The following RAB6A variants were observed in gnomAD, a reference collection of about 807,000 sequenced individuals.
The protein encoded by RAB6A is RAB6A, member RAS oncogene family.
Under a neutral mutation model 32.3 loss-of-function variants are expected in RAB6A, and 8 were observed. That is an observed-to-expected ratio of 0.25 (90% confidence interval 0.15 to 0.45). RAB6A has a LOEUF of 0.45. Ranked by LOEUF, RAB6A falls within the 20% of genes least tolerant of loss-of-function variation. The pLI is 1.00. For synonymous variants in RAB6A, 73 were observed against 82.1 expected (o/e 0.89, Z 0.60); for missense variants, 104 against 249.4 (o/e 0.42, Z 3.93).
At chr11:73,755,316 T>C (rs1383742390) in intron 1 of RAB6A, among the ~76,000 whole-genome samples, 3 of 147,586 alleles carry the variant, frequency 2.0e-5, no homozygotes, top group African/African-American at 5.0e-5. Flanking sequence ...TATTTTGAGA[T>C]GGAGCCTCAC....
chr11:73,738,810 G>A (rs752178762), intron 1 of RAB6A, among the ~76,000 whole-genome samples: 1 of 151,246 alleles, frequency 6.6e-6, no homozygotes, highest in South Asian at 2.1e-4. Context: ...CCAGCATAGT[G>A]GCACACACCT....
intron 6 of RAB6A, among the ~76,000 whole-genome samples, chr11:73,689,833 T>G (rs776675593): frequency 6.7e-6 from 1 of 149,852 alleles, no homozygotes. Context: ...TCTGTGGAGG[T>G]TGCAGTGAGT....
intron 5 of RAB6A, among the ~76,000 whole-genome samples, chr11:73,712,507 C>T (rs1945974828): frequency 6.6e-6 from 1 of 152,166 alleles, no homozygotes; most frequent in South Asian, 2.1e-4. Flanking sequence ...CATGCCACCA[C>T]GCCCGGCTAA....
At chr11:73,727,072 T>C (rs1946234491) in intron 2 of RAB6A, among the ~76,000 whole-genome samples, 1 of 152,092 alleles carries the variant, frequency 6.6e-6, no homozygotes, top group African/African-American at 2.4e-5. Flanking sequence ...GCTAAAGTAT[T>C]CAAAGAAAGA....
Position 73,747,331 on chromosome 11 carries a change from T to C in RAB6A, c.70+13235A>G, listed in dbSNP as rs113461430. On this transcript the variant is annotated intron_variant, in intron 1 of 7. Transcript: ENST00000336083. ...AGCAATTCTCCTGCCTCAGCCTCCA[T>C]AGCTGGGATTACAGGCGCCCACCAG... Among the ~76,000 whole-genome samples the C allele has an allele frequency of 3.8e-3, 575 of 151,932 alleles. 5 individuals carry two copies. The highest frequency in any genetic ancestry group is 0.013 in the African/African-American group (545 of 41,436).
intron 6 of RAB6A, among the ~76,000 whole-genome samples, chr11:73,695,389 T>TC (rs1209390352): frequency 6.6e-6 from 1 of 151,716 alleles, no homozygotes; most frequent in Non-Finnish European, 1.5e-5. Context: ...GTTTTTTTTT[T>TC]TCTTTTTTGA....
intron 1 of RAB6A, among the ~76,000 whole-genome samples, chr11:73,731,695 T>TAC (rs1946307505): frequency 1.6e-4 from 1 of 6,062 alleles, no homozygotes; most frequent in African/African-American, 3.8e-4. Context: ...TATATATATA[T>TAC]ATATATATAT....
chr11:73,712,318 C>T (rs1945969028), intron 5 of RAB6A, among the ~76,000 whole-genome samples: 1 of 151,632 alleles, frequency 6.6e-6, no homozygotes, highest in South Asian at 2.1e-4. Flanking sequence ...CACCTTCATA[C>T]TTATTTTCCA....
chr11:73,678,596 G>A (rs899552343), intron 7 of RAB6A, among the ~76,000 whole-genome samples: 3 of 148,340 alleles, frequency 2.0e-5, no homozygotes, highest in South Asian at 2.4e-4. Context: ...CAGCCTGGGC[G>A]ACAGAATGAG....
chr11:73,701,820 T>C (rs1945750433), intron 6 of RAB6A, among the ~76,000 whole-genome samples: 1 of 152,100 alleles, frequency 6.6e-6, no homozygotes. Context: ...CTGTGTTTTT[T>C]TGTAGAGACA....
At chr11:73,679,511 T>C (rs1945319779) in intron 7 of RAB6A, 143 bp downstream of exon 7, 3 of 970,356 alleles carry the variant, frequency 3.1e-6, no homozygotes, top group Non-Finnish European at 3.0e-6. Context: ...TCATTTGCTA[T>C]AGAAAACAAA....
At chr11:73,691,762 A>G (rs1945568297) in intron 6 of RAB6A, among the ~76,000 whole-genome samples, 1 of 152,062 alleles carries the variant, frequency 6.6e-6, no homozygotes, top group African/African-American at 2.4e-5. Context: ...GGAGTTCAAG[A>G]CTAGCCTGGC....
At chr11:73,723,326 T>C (rs1946170659) in intron 2 of RAB6A, among the ~76,000 whole-genome samples, 1 of 151,776 alleles carries the variant, frequency 6.6e-6, no homozygotes, top group South Asian at 2.1e-4. Flanking sequence ...TTTATTTTAT[T>C]TTATTTATTT....
intron 4 of RAB6A, among the ~76,000 whole-genome samples, chr11:73,718,047 A>G (rs1176219666): frequency 6.6e-6 from 1 of 152,230 alleles, no homozygotes; most frequent in Non-Finnish European, 1.5e-5. Context: ...GAGAGAAATG[A>G]AAGTGTAATT....
chr11:73,693,556 CT>C (rs891656563), intron 6 of RAB6A, among the ~76,000 whole-genome samples: 15,156 of 119,018 alleles, frequency 0.13, 916 homozygotes, highest in Admixed American at 0.16. Flanking sequence ...AAGACTCCAT[CT>C]TTTTTTTTTT....
chr11:73,716,005 T>C (rs1178305523), intron 5 of RAB6A, among the ~76,000 whole-genome samples: 1 of 152,248 alleles, frequency 6.6e-6, no homozygotes, highest in East Asian at 1.9e-4. Flanking sequence ...ACTGGCTTCA[T>C]GTCTAAACAA....
At chr11:73,681,231 A>G (rs1401501447) in intron 6 of RAB6A, among the ~76,000 whole-genome samples, 2 of 152,202 alleles carry the variant, frequency 1.3e-5, no homozygotes, top group Non-Finnish European at 2.9e-5. Context: ...TAAAGGAGAT[A>G]CTCAAACAAT....
At chr11:73,695,375 T>G (rs1415003589) in intron 6 of RAB6A, among the ~76,000 whole-genome samples, 13 of 91,376 alleles carry the variant, frequency 1.4e-4, no homozygotes, top group Admixed American at 1.4e-4. Flanking sequence ...TATCCAGTTT[T>G]TTTGTTTTTT....
intron 3 of RAB6A, among the ~76,000 whole-genome samples, chr11:73,719,251 CA>C (rs1297215239): frequency 6.6e-6 from 1 of 151,942 alleles, no homozygotes; most frequent in African/African-American, 2.4e-5. Flanking sequence ...CAAAACAAAA[CA>C]AAAAAACCTA....
Sources: allele counts gnomAD v4.1 joint callset (sites outside exome capture counted in the v4.1 genomes callset), GRCh38; gene constraint gnomAD v4.1.1; transcripts MANE v1.5; gene names NCBI Gene and HGNC (gene_info 2026-07-23, HGNC 2026-07-21).